Variants in PCDHGA4 observed in about 807,000 individuals in gnomAD.
The protein encoded by PCDHGA4 is protocadherin gamma subfamily A, 4.
A neutral mutation model predicts 54.6 loss-of-function variants in PCDHGA4; 38 were observed. That is an observed-to-expected ratio of 0.70 (90% CI 0.54 to 0.91). The LOEUF (loss-of-function observed/expected upper bound fraction) is 0.91. PCDHGA4 is among the 40% of genes least tolerant of loss of function. The probability of loss-of-function intolerance (pLI) is 0.00; values close to 1 mark genes in which losing one functional copy is unlikely to be tolerated. For missense variants in PCDHGA4, 1,298 were observed against 1,220.9 expected (o/e 1.06, Z -0.94); for synonymous variants, 511 against 512.9 (o/e 1.00, Z 0.05).
intron 1 of PCDHGA4, among the ~76,000 whole-genome samples, chr5:141,381,220 G>C (rs912985270): frequency 6.6e-6 from 1 of 152,190 alleles, no homozygotes; most frequent in African/African-American, 2.4e-5. Context: ...TCTCCTCCTG[G>C]TTCCACCAAC....
chr5:141,423,749 T>TG, intron 1 of PCDHGA4: 2 of 272,262 alleles, frequency 7.3e-6, no homozygotes, highest in Non-Finnish European at 4.7e-6. Flanking sequence ...TGAAAACTGT[T>TG]TGGGGGGGGG....
chr5:141,431,699 T>C lies in PCDHGA4; in HGVS notation c.2515-63108T>C. ...GGAGTTGGACCACGAGGAGTCAGGA[T>C]TCTACCAGATGGAAGTGCAAGCAAT... is the stretch of plus-strand genomic sequence containing the variant. On this transcript the variant is annotated intron_variant, in intron 1 of 3. Coordinates refer to ENST00000571252, the MANE Select transcript of PCDHGA4 (RefSeq NM_018917.4). The surrounding 1 kb of genome is among the most constrained non-coding windows in gnomAD (Gnocchi z 4.8). 6.2e-7 allele frequency: 1 copy of C among 1,614,222 alleles called. No individual in the cohort carries two copies. Among genetic ancestry groups the C allele is most frequent in the South Asian group, 1.1e-5 (1 of 91,074 alleles).
intron 1 of PCDHGA4, chr5:141,415,040 CG>C (rs878992043): frequency 6.2e-7 from 1 of 1,613,520 alleles, no homozygotes; most frequent in East Asian, 2.2e-5. Flanking sequence ...GGACTCTTCG[CG>C]GTGGGGGAGC....
intron 1 of PCDHGA4, among the ~76,000 whole-genome samples, chr5:141,379,851 T>G (rs1388767497): frequency 6.7e-6 from 1 of 148,750 alleles, no homozygotes; most frequent in Non-Finnish European, 1.5e-5. Context: ...AACTACCAAA[T>G]TATTGTCTTA....
chr5:141,489,073 C>A lies in PCDHGA4; in HGVS notation c.2515-5734C>A, dbSNP rs2099681983. 3.2e-6 allele frequency: 1 copy of A among 315,630 alleles called. No individual in the cohort carries two copies. The highest frequency in any genetic ancestry group is 5.7e-6 in the Non-Finnish European group (1 of 173,976). 19.6% of individuals were successfully genotyped at this position (315,630 alleles called of 1,614,324 possible). A position where few individuals can be genotyped will look rare whatever the true frequency, so the allele number is the denominator to read the frequency against. ...ATTCAGCTCCCCTCCCCCCTGCCCA[C>A]CCCCGCCACTCGGTGACTAAGAACT... On this transcript the variant is annotated intron_variant, in intron 1 of 3. Coordinates refer to ENST00000571252, the MANE Select transcript of PCDHGA4 (RefSeq NM_018917.4). The surrounding 1 kb of genome is among the most constrained non-coding windows in gnomAD (Gnocchi z 4.5).
chr5:141,385,633 G>A (rs2090306772), intron 1 of PCDHGA4: 9 of 905,286 alleles, frequency 9.9e-6, no homozygotes, highest in Non-Finnish European at 1.3e-5. Flanking sequence ...AATGAATCGA[G>A]TCTTTCATAT....
At chr5:141,429,408 T>A (rs2097213256) in intron 1 of PCDHGA4, among the ~76,000 whole-genome samples, 1 of 151,838 alleles carries the variant, frequency 6.6e-6, no homozygotes, top group Non-Finnish European at 1.5e-5. Flanking sequence ...GAGATTAAGG[T>A]CTCATTATGT....
Position 141,485,096 on chromosome 5 carries a change from C to T in PCDHGA4, c.2515-9711C>T, listed in dbSNP as rs1166994104. On this transcript the variant is annotated intron_variant, in intron 1 of 3. Coordinates refer to ENST00000571252, the MANE Select transcript of PCDHGA4 (RefSeq NM_018917.4). This position sits in a 1 kb window ranked among gnomAD's most constrained non-coding sequence, Gnocchi z 5.7. The stretch of plus-strand genomic sequence containing the variant: ...CGCGGGGAAAGGGAGATAGGTGTCT[C>T]CAGCTGCTGTGGCTGTTTGGGGCGG... The T allele has an allele frequency of 1.8e-6, 2 of 1,125,566 alleles. No homozygotes were observed. The highest frequency in any genetic ancestry group is 3.1e-5 in the African/African-American group (2 of 64,908). 69.7% of individuals were successfully genotyped at this position (1,125,566 alleles called of 1,614,324 possible).
At chr5:141,401,129 G>A (rs1327832164) in intron 1 of PCDHGA4, among the ~76,000 whole-genome samples, 3 of 152,168 alleles carry the variant, frequency 2.0e-5, no homozygotes, top group African/African-American at 7.2e-5. Context: ...GGATCACATG[G>A]TCAGGAGTTC....
At chr5:141,421,841 AAG>A in intron 1 of PCDHGA4, 1 of 1,613,750 alleles carries the variant, frequency 6.2e-7, no homozygotes. Context: ...GACCGAGAGA[AAG>A]AGGCTGCTCA....
intron 1 of PCDHGA4, chr5:141,364,423 C>T (rs773799474): frequency 6.2e-7 from 1 of 1,613,592 alleles, no homozygotes; most frequent in South Asian, 1.1e-5. Context: ...CCGGGCAGAT[C>T]CGCTACTCGA....
intron 1 of PCDHGA4, chr5:141,424,079 C>A: frequency 3.1e-6 from 3 of 973,190 alleles, no homozygotes; most frequent in African/African-American, 1.8e-5. Context: ...TAGTTATATT[C>A]CACCATTATT....
chr5:141,364,639 G>A, intron 1 of PCDHGA4: 1 of 1,614,116 alleles, frequency 6.2e-7, no homozygotes. Flanking sequence ...CACTGTGTGT[G>A]GTGAACTTTA....
rs376721940 is a variant in PCDHGA4, at chr5:141,410,147, G to A, written c.2514+52526G>A. 18 of 1,612,952 alleles carry A rather than the reference G, an allele frequency of 1.1e-5. No homozygotes were observed. The East Asian group carries it at 3.6e-4, about 32-fold the overall frequency. ...GCGCCTGCTGGTCGCTGTGCGTGAC[G>A]GTGGACAGCCGCCACTCTCTGCCAC... On this transcript the variant is annotated intron_variant, in intron 1 of 3. Transcript: ENST00000571252.
intron 1 of PCDHGA4, chr5:141,374,638 A>C (rs931155259): frequency 4.3e-6 from 7 of 1,612,946 alleles, no homozygotes; most frequent in Admixed American, 1.7e-5. Context: ...TGCAAAGCGA[A>C]GCCCATGGGC....
chr5:141,484,375 G>C (rs188702244), intron 1 of PCDHGA4, among the ~76,000 whole-genome samples: 2 of 152,258 alleles, frequency 1.3e-5, no homozygotes, highest in African/African-American at 4.8e-5. Flanking sequence ...ACTAGCAAAT[G>C]TCTGAATAAG....
chr5:141,455,492 T>G (rs958076901), intron 1 of PCDHGA4, among the ~76,000 whole-genome samples: 10 of 152,188 alleles, frequency 6.6e-5, no homozygotes, highest in Non-Finnish European at 1.2e-4. Context: ...GGAGGTGATG[T>G]CTGATTTGCA....
At chr5:141,502,542 A>G (rs2099814957) in intron 2 of PCDHGA4, among the ~76,000 whole-genome samples, 1 of 152,216 alleles carries the variant, frequency 6.6e-6, no homozygotes, top group Admixed American at 6.5e-5. Context: ...TTCGTGTGGT[A>G]AAAACAGTGT....
chr5:141,399,561 GT>G, intron 1 of PCDHGA4: 1 of 1,614,042 alleles, frequency 6.2e-7, no homozygotes, highest in Non-Finnish European at 8.5e-7. Context: ...TGGACTTGGG[GT>G]TGAACGGCCA....
Sources: allele counts gnomAD v4.1 joint callset (sites outside exome capture counted in the v4.1 genomes callset), GRCh38; gene constraint gnomAD v4.1.1; non-coding constraint Gnocchi (gnomAD v3.1); transcripts MANE v1.5; gene names NCBI Gene and HGNC (gene_info 2026-07-23, HGNC 2026-07-21).